The following ROBO1 variants were observed in gnomAD, a reference collection of about 807,000 sequenced individuals.
The protein encoded by ROBO1 is roundabout guidance receptor 1, also known as roundabout homolog 1.
ROBO1 carries 149 observed loss-of-function variants against 195.9 expected under a neutral mutation model. The ratio of observed to expected loss-of-function variants is 0.76; its 90% CI spans 0.67 to 0.87. The LOEUF is 0.87. Among genes scored for constraint, ROBO1 ranks in the 40% least tolerant of loss-of-function variants. The pLI is 0.00. For missense variants in ROBO1, 1,933 were observed against 2,068.3 expected (o/e 0.93, Z 1.27); for synonymous variants, 816 against 733.2 (o/e 1.11, Z -1.82).
chr3:78,960,503 G>A (rs549999279), intron 3 of ROBO1, among the ~76,000 whole-genome samples: 10 of 151,992 alleles, frequency 6.6e-5, no homozygotes, highest in East Asian at 5.8e-4. Context: ...TAATGGGTCC[G>A]GGTGTGGTGG....
At chr3:79,140,563 A>G (rs1196785032) in intron 2 of ROBO1, among the ~76,000 whole-genome samples, 1 of 152,118 alleles carries the variant, frequency 6.6e-6, no homozygotes, top group Non-Finnish European at 1.5e-5. Context: ...TATACCTAAT[A>G]AGAAGTTAGT....
chr3:79,736,416 T>G (rs1411095372), intron 1 of ROBO1, among the ~76,000 whole-genome samples: 1 of 152,178 alleles, frequency 6.6e-6, no homozygotes, highest in Non-Finnish European at 1.5e-5. Flanking sequence ...TATAATCTAG[T>G]TTTTATTATT....
At chr3:78,774,078 G>A (rs577448582) in intron 4 of ROBO1, among the ~76,000 whole-genome samples, 2 of 152,302 alleles carry the variant, frequency 1.3e-5, no homozygotes, top group East Asian at 3.9e-4. Flanking sequence ...CCAAAGAATA[G>A]TTGATAGTAT....
At chr3:79,047,247 T>C (rs2078611969) in intron 3 of ROBO1, among the ~76,000 whole-genome samples, 1 of 152,134 alleles carries the variant, frequency 6.6e-6, no homozygotes, top group African/African-American at 2.4e-5. Flanking sequence ...GTAGAAAATG[T>C]GCCTAATGAA....
intron 3 of ROBO1, among the ~76,000 whole-genome samples, chr3:79,103,290 T>C (rs186811394): frequency 2.6e-5 from 4 of 151,874 alleles, no homozygotes; most frequent in Admixed American, 6.6e-5. Flanking sequence ...GACTAATGCA[T>C]ACAAACAGGA....
intron 3 of ROBO1, among the ~76,000 whole-genome samples, chr3:78,978,445 G>A (rs904804225): frequency 2.8e-4 from 42 of 152,122 alleles, no homozygotes; most frequent in Middle Eastern, 3.4e-3. Flanking sequence ...TACTAATGGC[G>A]ACAGGCACTT....
At chr3:78,912,994 T>A (rs983451138) in intron 4 of ROBO1, among the ~76,000 whole-genome samples, 4 of 152,132 alleles carry the variant, frequency 2.6e-5, no homozygotes, top group African/African-American at 9.7e-5. Flanking sequence ...AGAAATAGTA[T>A]ATGTAAAGAA....
chr3:78,724,138 A>C (rs781095217), intron 5 of ROBO1, among the ~76,000 whole-genome samples: 21 of 152,280 alleles, frequency 1.4e-4, no homozygotes, highest in Non-Finnish European at 2.6e-4. Flanking sequence ...AGGGCAAATG[A>C]ACTTCAGAAA....
intron 4 of ROBO1, among the ~76,000 whole-genome samples, chr3:78,754,164 A>G (rs981214746): frequency 7.2e-5 from 11 of 152,224 alleles, no homozygotes; most frequent in Admixed American, 5.9e-4. Context: ...ATGTTTATAC[A>G]GGACTTGCCA....
At chr3:79,689,341 G>A (rs1056641284) in intron 1 of ROBO1, among the ~76,000 whole-genome samples, 4 of 151,924 alleles carry the variant, frequency 2.6e-5, no homozygotes, top group Admixed American at 6.6e-5. Context: ...AGAAATCTGA[G>A]GCTTTGGAAC....
chr3:78,645,642 A>T (rs138528162), intron 21 of ROBO1, among the ~76,000 whole-genome samples: 163 of 152,200 alleles, frequency 1.1e-3, no homozygotes, highest in African/African-American at 3.9e-3. Flanking sequence ...AGGAGGGAAA[A>T]CATTCTTTGT....
chr3:78,853,776 C>T (rs528145485), intron 4 of ROBO1, among the ~76,000 whole-genome samples: 3 of 152,192 alleles, frequency 2.0e-5, no homozygotes, highest in Non-Finnish European at 2.9e-5. Context: ...CACAGTTCCA[C>T]GTGACTGGAG....
intron 3 of ROBO1, among the ~76,000 whole-genome samples, chr3:79,031,480 A>G (rs953532957): frequency 6.6e-6 from 1 of 152,236 alleles, no homozygotes; most frequent in Non-Finnish European, 1.5e-5. Context: ...GCATATGTAG[A>G]ATAATAACGA....
intron 18 of ROBO1, 51 bp downstream of exon 18, chr3:78,657,047 G>A: frequency 1.3e-6 from 2 of 1,498,226 alleles, no homozygotes; most frequent in African/African-American, 1.4e-5. Flanking sequence ...AGCAAAGTGG[G>A]ACACATGGTA....
intron 1 of ROBO1, among the ~76,000 whole-genome samples, chr3:79,766,518 C>A (rs948961610): frequency 6.6e-6 from 1 of 151,818 alleles, no homozygotes; most frequent in Non-Finnish European, 1.5e-5. Context: ...TCCACGCGGT[C>A]CTCCGAGACC....
At chr3:78,893,637 T>C (rs1296514718) in intron 4 of ROBO1, among the ~76,000 whole-genome samples, 1 of 152,220 alleles carries the variant, frequency 6.6e-6, no homozygotes, top group Non-Finnish European at 1.5e-5. Flanking sequence ...TTAATCACTA[T>C]AGATTTTAAT....
intron 2 of ROBO1, among the ~76,000 whole-genome samples, chr3:79,284,272 C>A (rs950460671): frequency 1.3e-5 from 2 of 151,868 alleles, no homozygotes; most frequent in African/African-American, 4.8e-5. Flanking sequence ...TAGACATGCC[C>A]ATTTCTTCTT....
At chr3:79,408,724 A>G (rs2037651542) in intron 2 of ROBO1, among the ~76,000 whole-genome samples, 1 of 152,256 alleles carries the variant, frequency 6.6e-6, no homozygotes, top group South Asian at 2.1e-4. Flanking sequence ...GCTTGTAATG[A>G]TAGAAAATAA....
intron 4 of ROBO1, among the ~76,000 whole-genome samples, chr3:78,934,488 A>T (rs1576424642): frequency 6.6e-6 from 1 of 152,022 alleles, no homozygotes; most frequent in Admixed American, 6.6e-5. Flanking sequence ...ATTTTAAAAG[A>T]TCCAATATAA....
Sources: allele counts gnomAD v4.1 joint callset (sites outside exome capture counted in the v4.1 genomes callset), GRCh38; gene constraint gnomAD v4.1.1; transcripts MANE v1.5; gene names NCBI Gene and HGNC (gene_info 2026-07-23, HGNC 2026-07-21).